The following CFAP299 variants were observed in gnomAD, a reference collection of about 807,000 sequenced individuals.
CFAP299 encodes the protein cilia and flagella associated protein 299.
In CFAP299, 21 loss-of-function variants were observed where a neutral mutation model predicts 27.0. The ratio of observed to expected loss-of-function variants is 0.78; its 90% CI spans 0.55 to 1.12. The LOEUF is 1.12. Ranked by LOEUF, CFAP299 falls within the 50% of genes most tolerant of loss-of-function variation. The probability of loss-of-function intolerance (pLI) is 0.00; values close to 1 mark genes in which losing one functional copy is unlikely to be tolerated. For missense variants in CFAP299, 310 were observed against 276.6 expected (o/e 1.12, Z -0.86); for synonymous variants, 104 against 98.1 (o/e 1.06, Z -0.36).
intron 3 of CFAP299, among the ~76,000 whole-genome samples, chr4:80,804,737 CT>C (rs1174361869): frequency 1.3e-5 from 2 of 152,098 alleles, no homozygotes; most frequent in Non-Finnish European, 2.9e-5. Flanking sequence ...CTCTTTCCAT[CT>C]TATCACTTTT....
At chr4:80,816,045 A>G (rs1265210235) in intron 3 of CFAP299, among the ~76,000 whole-genome samples, 2 of 152,042 alleles carry the variant, frequency 1.3e-5, no homozygotes, top group Admixed American at 1.3e-4. Flanking sequence ...AAACTATTAC[A>G]TATGTATTCT....
At chr4:80,382,603 C>T (rs1324022797) in intron 2 of CFAP299, among the ~76,000 whole-genome samples, 1 of 152,032 alleles carries the variant, frequency 6.6e-6, no homozygotes, top group African/African-American at 2.4e-5. Context: ...ATCACTAATC[C>T]TTAGAGAAAT....
At chr4:80,727,454 G>A (rs998942648) in intron 3 of CFAP299, among the ~76,000 whole-genome samples, 1 of 151,870 alleles carries the variant, frequency 6.6e-6, no homozygotes, top group South Asian at 2.1e-4. Context: ...ATGTTTTAAG[G>A]CAGCAAATGT....
In CFAP299 at chr4:80,683,924, G is replaced by A. The variant is rs373656576; in HGVS notation, c.333+100741G>A. Among the ~76,000 whole-genome samples the A allele has an allele frequency of 4.6e-5, 7 of 152,226 alleles. No individual in the cohort carries two copies. The East Asian group carries it at 1.4e-3, about 29-fold the overall frequency. On this transcript the variant is annotated intron_variant, in intron 3 of 5. Transcript: ENST00000358105. ...TTTCTCTATTATGAACCTTTGTTGA[G>A]TTTGAGTGTACATTTCTTCTAATAT...
rs545690398 is a variant in CFAP299, at chr4:80,453,351, G to A, written c.242+90467G>A. ...GTAGAGATATTTAAAATCCCTTTAC[G>A]AATATTCAAACTAAGACATGAGTTC... is the stretch of plus-strand genomic sequence containing the variant. On this transcript the variant is annotated intron_variant, in intron 2 of 5. Coordinates refer to ENST00000358105, the MANE Select transcript of CFAP299 (RefSeq NM_152770.3). 3.6e-4 allele frequency among the ~76,000 whole-genome samples: 54 copies of A among 151,898 alleles called. 1 individual carries two copies. The highest frequency in any genetic ancestry group is 3.4e-3 in the Middle Eastern group (1 of 294).
At chr4:80,431,559 T>C (rs1463391506) in intron 2 of CFAP299, among the ~76,000 whole-genome samples, 1 of 150,584 alleles carries the variant, frequency 6.6e-6, no homozygotes, top group East Asian at 1.9e-4. Context: ...CCCTTCTCCT[T>C]CTTCTCCTTT....
At chr4:80,354,310 C>A (rs1349742960) in intron 1 of CFAP299, among the ~76,000 whole-genome samples, 1 of 152,066 alleles carries the variant, frequency 6.6e-6, no homozygotes, top group African/African-American at 2.4e-5. Context: ...AATATGTAAT[C>A]ACTAAAGTTT....
chr4:80,583,053 G>T, intron 2 of CFAP299, 40 bp from the exon 3 acceptor site: 1 of 1,330,004 alleles, frequency 7.5e-7, no homozygotes, highest in South Asian at 1.4e-5. Flanking sequence ...AAACATATTT[G>T]TTATCTAATA....
chr4:80,646,208 A>G (rs1319472461), intron 3 of CFAP299, among the ~76,000 whole-genome samples: 1 of 152,150 alleles, frequency 6.6e-6, no homozygotes, highest in African/African-American at 2.4e-5. Context: ...CTACATCTGT[A>G]TTAGAGAGTT....
At chr4:80,342,580 GCA>G (rs761927556) in intron 1 of CFAP299, among the ~76,000 whole-genome samples, 31 of 152,250 alleles carry the variant, frequency 2.0e-4, no homozygotes, top group South Asian at 1.2e-3. Flanking sequence ...AGCTTCATTA[GCA>G]CAGGAGAAAT....
At chr4:80,472,669 C>T (rs1367575984) in intron 2 of CFAP299, among the ~76,000 whole-genome samples, 2 of 152,132 alleles carry the variant, frequency 1.3e-5, no homozygotes, top group African/African-American at 2.4e-5. Context: ...ACAGGAGAAC[C>T]ATAACCACTT....
chr4:80,496,425 A>G (rs1269825130), intron 2 of CFAP299, among the ~76,000 whole-genome samples: 1 of 152,184 alleles, frequency 6.6e-6, no homozygotes, highest in Non-Finnish European at 1.5e-5. Flanking sequence ...CTAAGGCATA[A>G]CACATGTGAC....
chr4:80,780,732 C>T (rs1726824320), intron 3 of CFAP299, among the ~76,000 whole-genome samples: 2 of 151,670 alleles, frequency 1.3e-5, no homozygotes, highest in African/African-American at 4.8e-5. Context: ...TATATATACA[C>T]AACTAAATTT....
At chr4:80,658,233 T>C (rs1740664573) in intron 3 of CFAP299, among the ~76,000 whole-genome samples, 2 of 152,164 alleles carry the variant, frequency 1.3e-5, no homozygotes, top group Non-Finnish European at 2.9e-5. Flanking sequence ...TTCTTTATCT[T>C]GCCTGATTGC....
chr4:80,697,289 G>A (rs559802901), intron 3 of CFAP299, among the ~76,000 whole-genome samples: 2 of 152,190 alleles, frequency 1.3e-5, no homozygotes, highest in South Asian at 4.2e-4. Context: ...ATTTTTATAG[G>A]ATATAAACCT....
intron 3 of CFAP299, among the ~76,000 whole-genome samples, chr4:80,848,245 T>C (rs565171144): frequency 2.0e-5 from 3 of 151,908 alleles, no homozygotes; most frequent in Admixed American, 6.6e-5. Context: ...GATAAACATA[T>C]GCTGTCCAGA....
In CFAP299 at chr4:80,665,500, T is replaced by C. The variant is rs1462608963; in HGVS notation, c.333+82317T>C. Among the ~76,000 whole-genome samples the C allele has an allele frequency of 3.3e-5, 5 of 152,226 alleles. No homozygotes were observed. In the East Asian group the frequency reaches 9.6e-4, roughly 29 times the overall value. On this transcript the variant is annotated intron_variant, in intron 3 of 5. Transcript: ENST00000358105. ...GTCCAGCTGTACATTTGTTGTATCC[T>C]TTAATGTTTTCAAAACATTTTAATT...
intron 2 of CFAP299, among the ~76,000 whole-genome samples, chr4:80,364,753 A>G (rs1458816417): frequency 1.3e-5 from 2 of 152,144 alleles, no homozygotes; most frequent in Non-Finnish European, 1.5e-5. Flanking sequence ...TCTTGCTTCA[A>G]CCAAGCCCCA....
At chr4:80,793,540 A>G (rs1459927532) in intron 3 of CFAP299, among the ~76,000 whole-genome samples, 6 of 152,092 alleles carry the variant, frequency 3.9e-5, no homozygotes, top group Non-Finnish European at 8.8e-5. Flanking sequence ...AATTTGCCCC[A>G]TACACATTGC....
Sources: gnomAD v4.1 joint callset for allele counts (sites outside exome capture counted in the v4.1 genomes callset) on GRCh38, gnomAD v4.1.1 for gene constraint, MANE v1.5 for transcripts, NCBI Gene and HGNC (gene_info 2026-07-23, HGNC 2026-07-21) for gene names.